CFAP46: variants seen among roughly 807,000 people sequenced by gnomAD.
CFAP46 encodes the protein cilia and flagella associated protein 46, also known as cilia- and flagella-associated protein 46.
A neutral mutation model predicts 325.7 loss-of-function variants in CFAP46; 245 were observed. The ratio of observed to expected loss-of-function variants is 0.75; its 90% CI spans 0.68 to 0.84. The LOEUF (loss-of-function observed/expected upper bound fraction) is 0.84. CFAP46 is among the 40% of genes least tolerant of loss of function. The pLI is 0.00. For synonymous variants in CFAP46, 1,523 were observed against 1,495.9 expected (o/e 1.02, Z -0.42); for missense variants, 3,346 against 3,543.0 (o/e 0.94, Z 1.41).
Position 132,869,238 on chromosome 10 carries a change from CA to C in CFAP46, c.4610+35del. On this transcript the variant is annotated intron_variant, in intron 33 of 57. Coordinates refer to ENST00000368586, the MANE Select transcript of CFAP46 (RefSeq NM_001200049.3). The surrounding 1 kb of genome is among the most constrained non-coding windows in gnomAD (Gnocchi z 6.2). ...ACCTGGCCGCACCAAGGGCGAGACTCAAACCCCAGGCGGCGCAGGGTGGGAC... is the reference window on the plus strand; with the variant it reads ...ACCTGGCCGCACCAAGGGCGAGACTCAACCCCAGGCGGCGCAGGGTGGGAC... The C allele has an allele frequency of 1.3e-6, 2 of 1,488,664 alleles. No individual in the cohort carries two copies. 92.2% of individuals were successfully genotyped at this position (1,488,664 alleles called of 1,614,324 possible).
chr10:132,834,596 A>C, intron 48 of CFAP46, 58 bp downstream of exon 48: 1 of 1,597,030 alleles, frequency 6.3e-7, no homozygotes, highest in East Asian at 2.2e-5. Flanking sequence ...ACAGCACTGG[A>C]CACACGTGTC....
At chr10:132,936,082 C>G (rs1377896986) in intron 7 of CFAP46, among the ~76,000 whole-genome samples, 1 of 74,084 alleles carries the variant, frequency 1.3e-5, no homozygotes, top group Non-Finnish European at 2.6e-5. Context: ...CTCCCCTCGG[C>G]ATCCAAACAC....
intron 5 of CFAP46, among the ~76,000 whole-genome samples, chr10:132,937,888 G>A (rs1002953534): frequency 8.5e-5 from 13 of 152,310 alleles, no homozygotes; most frequent in South Asian, 2.1e-4. Flanking sequence ...GGGGCATTTT[G>A]AAATGAAAGA....
chr10:132,808,460 G>A lies in CFAP46; in HGVS notation c.8109C>T (p.Asp2703=). Residue 2703 remains aspartate (D), a synonymous_variant, in exon 58 of 58, where the codon GAC becomes GAT. Transcript: ENST00000368586. The surrounding 1 kb of genome is among the most constrained non-coding windows in gnomAD (Gnocchi z 6.8). ...GGCTCACGGTCTGAATAGTCTTCTG[G>A]TCTAAGCAACTCAGCACCAGCGCCG... is the stretch of plus-strand genomic sequence containing the variant. ...PLAALVLSCL[D]QKTIQTVSLF... 6.2e-7 allele frequency: 1 copy of A among 1,613,208 alleles called. No individual in the cohort carries two copies. Among genetic ancestry groups the A allele is most frequent in the Non-Finnish European group, 8.5e-7 (1 of 1,179,956 alleles).
intron 39 of CFAP46, among the ~76,000 whole-genome samples, chr10:132,853,636 T>A (rs1350137178): frequency 6.6e-6 from 1 of 152,236 alleles, no homozygotes; most frequent in African/African-American, 2.4e-5. Context: ...AGTAAAGCCA[T>A]CTGGGCTTGA....
At chr10:132,908,705 C>T (rs1849495980) in intron 21 of CFAP46, 71 bp from the exon 22 acceptor site, 23 of 1,453,344 alleles carry the variant, frequency 1.6e-5, no homozygotes, top group East Asian at 9.9e-5. Flanking sequence ...GCAGCCCCCA[C>T]GGACCACGCA....
chr10:132,871,423 G>A (rs1848894399), intron 32 of CFAP46, among the ~76,000 whole-genome samples: 1 of 152,138 alleles, frequency 6.6e-6, no homozygotes, highest in Admixed American at 6.6e-5. Flanking sequence ...GATGGATCTG[G>A]GCAAAGTGAA....
chr10:132,887,873 TTC>T (rs1259836735), intron 25 of CFAP46, among the ~76,000 whole-genome samples: 3 of 88,742 alleles, frequency 3.4e-5, no homozygotes, highest in Admixed American at 2.2e-4. Context: ...CTCTCCCTTC[TTC>T]TCTCTCCTCT....
intron 28 of CFAP46, among the ~76,000 whole-genome samples, 200 bp downstream of exon 28, chr10:132,880,659 ACG>A (rs1849026756): frequency 1.9e-5 from 1 of 51,366 alleles, no homozygotes; most frequent in Non-Finnish European, 3.8e-5. Flanking sequence ...GCACTGAGAC[ACG>A]TCAGGGGCCC....
intron 39 of CFAP46, among the ~76,000 whole-genome samples, chr10:132,853,563 G>T (rs1308599267): frequency 6.6e-6 from 1 of 152,084 alleles, no homozygotes; most frequent in East Asian, 1.9e-4. Flanking sequence ...TCCTTTTCAA[G>T]TTTCTAGAAT....
chr10:132,918,599 T>G, intron 15 of CFAP46, 79 bp from the exon 16 acceptor site: 1 of 1,453,952 alleles, frequency 6.9e-7, no homozygotes, highest in East Asian at 2.5e-5. Flanking sequence ...TGAACCATCT[T>G]GGAGTGCCTG....
Position 132,886,191 on chromosome 10 carries a change from G to C in CFAP46, c.3305-232C>G, listed in dbSNP as rs1291394091. 6.6e-6 allele frequency among the ~76,000 whole-genome samples: 1 copy of C among 152,194 alleles called. No individual in the cohort carries two copies. Among genetic ancestry groups the C allele is most frequent in the Non-Finnish European group, 1.5e-5 (1 of 68,034 alleles). On this transcript the variant is annotated intron_variant, in intron 25 of 57. Coordinates refer to ENST00000368586, the MANE Select transcript of CFAP46 (RefSeq NM_001200049.3). This position sits in a 1 kb window ranked among gnomAD's most constrained non-coding sequence, Gnocchi z 5.8. ...GCCCTTTCCGTTGCAGGAAGCAGCTGTCTTGTCTCCTTGCTGCCTGTCACT... is the reference window on the plus strand; with the variant it reads ...GCCCTTTCCGTTGCAGGAAGCAGCTCTCTTGTCTCCTTGCTGCCTGTCACT...
Position 132,873,578 on chromosome 10 carries a change from G to A in CFAP46, c.4363-754C>T, listed in dbSNP as rs546806663. 7.4e-4 allele frequency among the ~76,000 whole-genome samples: 113 copies of A among 151,964 alleles called. 1 individual carries two copies. In the South Asian group the frequency reaches 0.021, roughly 29 times the overall value. Reference sequence around the variant, plus strand: ...GTGCTGCAGGCTGGGCTTAGAAAACGGGGTTCAGGGCCCACCAAGAGCTCC... The same window carrying A: ...GTGCTGCAGGCTGGGCTTAGAAAACAGGGTTCAGGGCCCACCAAGAGCTCC... On this transcript the variant is annotated intron_variant, in intron 31 of 57. Coordinates refer to ENST00000368586, the MANE Select transcript of CFAP46 (RefSeq NM_001200049.3).
At chr10:132,870,210 G>GAT (rs1848877517) in intron 32 of CFAP46, among the ~76,000 whole-genome samples, 1 of 152,070 alleles carries the variant, frequency 6.6e-6, no homozygotes, top group Non-Finnish European at 1.5e-5. Flanking sequence ...AATGTCCCGT[G>GAT]GGCTCTGATT....
At chr10:132,826,456 C>CAGAGCCAT (rs1848054522) in intron 50 of CFAP46, among the ~76,000 whole-genome samples, 15 of 86,332 alleles carry the variant, frequency 1.7e-4, no homozygotes, top group Admixed American at 6.0e-4. Context: ...AGGCAGGAGC[C>CAGAGCCAT]GGAGCCACAG....
chr10:132,810,173 G>A (rs534501311), intron 57 of CFAP46, among the ~76,000 whole-genome samples: 11 of 152,342 alleles, frequency 7.2e-5, no homozygotes, highest in East Asian at 1.9e-4. Flanking sequence ...ACTGTGGGCC[G>A]TCACTGCCGA....
At chr10:132,936,714 C>T (rs1178001560) in intron 7 of CFAP46, among the ~76,000 whole-genome samples, 2 of 150,662 alleles carry the variant, frequency 1.3e-5, no homozygotes, top group Admixed American at 1.3e-4. Context: ...TTAAAGCCGC[C>T]CTCTCCCTTC....
chr10:132,841,304 T>C (rs1848342356), intron 44 of CFAP46, among the ~76,000 whole-genome samples: 1 of 151,904 alleles, frequency 6.6e-6, no homozygotes, highest in South Asian at 2.1e-4. Flanking sequence ...AAATGAGGAG[T>C]GGAGGCTCGA....
intron 24 of CFAP46, among the ~76,000 whole-genome samples, chr10:132,893,178 G>A (rs1274961149): frequency 1.3e-5 from 2 of 152,236 alleles, no homozygotes; most frequent in African/African-American, 4.8e-5. Flanking sequence ...CCTCAACTGA[G>A]CACGTGCAAA....
Sources: allele counts gnomAD v4.1 joint callset (sites outside exome capture counted in the v4.1 genomes callset), GRCh38; gene constraint gnomAD v4.1.1; non-coding constraint Gnocchi (gnomAD v3.1); transcripts MANE v1.5; gene names NCBI Gene and HGNC (gene_info 2026-07-23, HGNC 2026-07-21).